The following KCNT1 variants were observed in gnomAD, a reference collection of about 807,000 sequenced individuals.
The protein encoded by KCNT1 is potassium sodium-activated channel subfamily T member 1, also known as potassium channel subfamily T member 1.
A neutral mutation model predicts 147.8 loss-of-function variants in KCNT1; 78 were observed. That is an observed-to-expected ratio of 0.53 (90% CI 0.44 to 0.64). The LOEUF (loss-of-function observed/expected upper bound fraction) is 0.64. Among genes scored for constraint, KCNT1 ranks in the 30% least tolerant of loss-of-function variants. The pLI is 0.00. For synonymous variants in KCNT1, 867 were observed against 748.8 expected, an observed-to-expected ratio of 1.16 and a Z score of -2.58; for missense variants, 1,419 against 1,750.3, an observed-to-expected ratio of 0.81 and a Z score of 3.38.
chr9:135,702,485 T>C, intron 1 of KCNT1, 117 bp downstream of exon 1: 1 of 856,316 alleles, frequency 1.2e-6, no homozygotes. Flanking sequence ...CCATCCAACT[T>C]CCCCAGGACC....
intron 2 of KCNT1, among the ~76,000 whole-genome samples, chr9:135,719,835 C>T (rs1305976931): frequency 2.0e-5 from 3 of 152,218 alleles, no homozygotes; most frequent in Non-Finnish European, 2.9e-5. Context: ...GCCGCCTTGC[C>T]ACAGAAAGCC....
At chr9:135,723,891 G>A (rs547555093) in intron 2 of KCNT1, among the ~76,000 whole-genome samples, 3 of 152,150 alleles carry the variant, frequency 2.0e-5, no homozygotes, top group South Asian at 2.1e-4. Flanking sequence ...CAGTCTGAGC[G>A]CCATGGCTCA....
rs1168444329 is a variant in KCNT1 at position 135,768,247 on chromosome 9, G to C, written c.1338-363G>C. On this transcript the variant is annotated intron_variant, in intron 13 of 30. Coordinates refer to ENST00000371757, the MANE Select transcript of KCNT1 (RefSeq NM_020822.3). ...AGAGGCCCAGGATGCCTGCGGGGGG[G>C]GGGGGGGGGGCACTGGGATACCGGT... Among the ~76,000 whole-genome samples, 59 of 39,526 alleles carry C rather than the reference G, an allele frequency of 1.5e-3. 5 individuals carry two copies. The highest frequency in any genetic ancestry group is 4.1e-3 in the Non-Finnish European group (52 of 12,716). 25.9% of individuals were successfully genotyped at this position (39,526 alleles called of 152,430 possible).
chr9:135,735,022 CA>C (rs1233312421), intron 2 of KCNT1, among the ~76,000 whole-genome samples: 3 of 152,230 alleles, frequency 2.0e-5, no homozygotes, highest in Non-Finnish European at 4.4e-5. Flanking sequence ...TCATTCTTTA[CA>C]GCCGTTCTGG....
At chr9:135,723,496 C>A (rs2131345189) in intron 2 of KCNT1, among the ~76,000 whole-genome samples, 1 of 152,342 alleles carries the variant, frequency 6.6e-6, no homozygotes. Flanking sequence ...GCAGGAAGTT[C>A]TTGTGCACCA....
At chr9:135,786,742 G>A (rs1488674285) in intron 29 of KCNT1, among the ~76,000 whole-genome samples, 1 of 152,268 alleles carries the variant, frequency 6.6e-6, no homozygotes, top group Non-Finnish European at 1.5e-5. Context: ...GAGGAGGGAA[G>A]TGGCCATGGC....
intron 29 of KCNT1, 155 bp from the exon 30 acceptor site, chr9:135,791,642 C>T: frequency 3.0e-6 from 2 of 675,224 alleles, no homozygotes; most frequent in South Asian, 1.7e-5. Flanking sequence ...GGGATGGGCC[C>T]TGGCTGGGCT....
chr9:135,762,127 C>T (rs1189986281), intron 11 of KCNT1, among the ~76,000 whole-genome samples: 1 of 152,228 alleles, frequency 6.6e-6, no homozygotes, highest in Non-Finnish European at 1.5e-5. Flanking sequence ...CAGGGGAGCC[C>T]CCACCTCCCC....
chr9:135,770,334 G>C lies in KCNT1; in HGVS notation c.1656G>C (p.Met552Ile). Residue 552 changes from methionine (M) to isoleucine (I), a missense_variant, in exon 17 of 31, where the codon ATG becomes ATC. Met to Ile is a conservative substitution (Grantham distance 10). This residue lies in a region of KCNT1 where 284 missense variants were observed against 292.8 expected (regional missense o/e 0.97). Coordinates refer to ENST00000371757, the MANE Select transcript of KCNT1 (RefSeq NM_020822.3). ...GQESPEQWQR[M>I]YGRCSGNEVY... ...AGTCTCCGGAGCAGTGGCAGCGCAT[G>C]TATGGGCGCTGCTCCGGCAACGAGG... 1.2e-6 allele frequency: 2 copies of C among 1,611,906 alleles called. No homozygotes were observed. Among genetic ancestry groups the C allele is most frequent in the South Asian group, 2.2e-5 (2 of 90,930 alleles).
At chr9:135,713,312 T>C (rs942805137) in intron 1 of KCNT1, among the ~76,000 whole-genome samples, 2 of 152,254 alleles carry the variant, frequency 1.3e-5, no homozygotes, top group African/African-American at 2.4e-5. Context: ...GAAAATGTTA[T>C]TTTTTAAATG....
In KCNT1 at chr9:135,702,370, TAC is replaced by T; in HGVS notation, c.110+4_110+5del. 7 of 1,608,268 alleles carry T rather than the reference TAC, an allele frequency of 4.4e-6. No homozygotes were observed. In the East Asian group the frequency reaches 8.9e-5, roughly 21 times the overall value. The stretch of plus-strand genomic sequence containing the variant: ...TGACGACGGCCAATGCGCCCCCAGG[TAC>T]AGTCTGCTGCGCCCTCCCCACGCGG... On this transcript the variant is annotated splice_donor_region_variant and intron_variant, in intron 1 of 30. Coordinates refer to ENST00000371757, the MANE Select transcript of KCNT1 (RefSeq NM_020822.3).
intron 2 of KCNT1, among the ~76,000 whole-genome samples, chr9:135,723,894 A>C (rs991644913): frequency 5.3e-5 from 8 of 152,018 alleles, no homozygotes; most frequent in Non-Finnish European, 1.2e-4. Context: ...TCTGAGCGCC[A>C]TGGCTCAGCG....
intron 28 of KCNT1, 132 bp from the exon 29 acceptor site, chr9:135,786,065 A>AAC: frequency 1.3e-6 from 1 of 750,054 alleles, no homozygotes; most frequent in East Asian, 2.7e-5. Context: ...CCTCTTCCCT[A>AAC]ACACCCCCAG....
intron 1 of KCNT1, among the ~76,000 whole-genome samples, chr9:135,711,413 C>T (rs930842739): frequency 1.3e-5 from 2 of 152,224 alleles, no homozygotes; most frequent in Non-Finnish European, 2.9e-5. Context: ...GTGCCTCTGC[C>T]GGGACCTCAG....
chr9:135,758,308 G>A (rs918407944), intron 9 of KCNT1, 106 bp from the exon 10 acceptor site: 2 of 834,206 alleles, frequency 2.4e-6, no homozygotes, highest in African/African-American at 1.7e-5. Flanking sequence ...CCGAGACGCA[G>A]GTGTGGCCGG....
At chr9:135,725,301 G>T (rs1056536202) in intron 2 of KCNT1, among the ~76,000 whole-genome samples, 2 of 152,244 alleles carry the variant, frequency 1.3e-5, no homozygotes, top group African/African-American at 4.8e-5. Flanking sequence ...TGTGGCTTAT[G>T]TAGAAACACG....
intron 2 of KCNT1, among the ~76,000 whole-genome samples, chr9:135,735,453 C>T (rs1830294865): frequency 6.6e-6 from 1 of 152,196 alleles, no homozygotes. Context: ...GTTTTACCCC[C>T]ACCCCATCCG....
intron 16 of KCNT1, 29 bp from the exon 17 acceptor site, chr9:135,770,269 C>A: frequency 1.3e-6 from 2 of 1,561,080 alleles, no homozygotes. Context: ...CCGAGGGTGA[C>A]GCTCCCCTGG....
rs548241512 is a variant in KCNT1 at position 135,744,541 on chromosome 9, G to A, written c.255-5557G>A. 4.6e-5 allele frequency among the ~76,000 whole-genome samples: 7 copies of A among 152,366 alleles called. 1 individual carries two copies. The East Asian group carries it at 1.4e-3, about 29-fold the overall frequency. ...GCTACAGGGAGCCCCAAGGACCCAG[G>A]CCTGGCACTGCCTCTGACCTGCTGA... is the stretch of plus-strand genomic sequence containing the variant. On this transcript the variant is annotated intron_variant, in intron 2 of 30. Coordinates refer to ENST00000371757, the MANE Select transcript of KCNT1 (RefSeq NM_020822.3).
Sources: gnomAD v4.1 joint callset for allele counts (sites outside exome capture counted in the v4.1 genomes callset) on GRCh38, gnomAD v4.1.1 for gene constraint, gnomAD v4.1.1 regional missense constraint, MANE v1.5 for transcripts, NCBI Gene and HGNC (gene_info 2026-07-23, HGNC 2026-07-21) for gene names.